Variants in GGTA1 observed in about 807,000 individuals in gnomAD.
The protein encoded by GGTA1 is glycoprotein alpha-galactosyltransferase 1 (inactive), also known as inactive N-acetyllactosaminide alpha-1,3-galactosyltransferase.
In GGTA1, 5 loss-of-function variants were observed where a neutral mutation model predicts 2.6. The observed-to-expected ratio is 1.92, with a 90% CI of 1.00 to 4.04. GGTA1 has a LOEUF of 4.04. GGTA1 is among the 30% of genes most tolerant of loss of function. The pLI is 0.00. For synonymous variants in GGTA1, 17 were observed against 5.0 expected, an observed-to-expected ratio of 3.38 and a Z score of -3.19; for missense variants, 50 against 16.7, an observed-to-expected ratio of 2.99 and a Z score of -3.47.
At chr9:121,480,679 G>A (rs1231629874) in intron 1 of GGTA1, among the ~76,000 whole-genome samples, 2 of 152,126 alleles carry the variant, frequency 1.3e-5, no homozygotes, top group Non-Finnish European at 2.9e-5. Flanking sequence ...GCCTCTTAAG[G>A]GGATGAGTTA....
chr9:121,486,396 C>G (rs1828754617), intron 1 of GGTA1, among the ~76,000 whole-genome samples: 1 of 152,170 alleles, frequency 6.6e-6, no homozygotes, highest in African/African-American at 2.4e-5. Context: ...CAGGAGGTCC[C>G]CTGGTGATTG....
rs1183814384 is a variant in GGTA1 at position 121,459,271 on chromosome 9, A to G, written c.298+833T>C. Among the ~76,000 whole-genome samples, 4 of 152,274 alleles carry G rather than the reference A, an allele frequency of 2.6e-5. No individual in the cohort carries two copies. The East Asian group carries it at 7.7e-4, about 29-fold the overall frequency. ...CAGGAGTTCAAGAGCAACCTGGACA[A>G]CATAGTAAGACCCTGTCTCTACAAA... is the stretch of plus-strand genomic sequence containing the variant. On this transcript the variant is annotated intron_variant, in intron 5 of 5. Transcript: ENST00000481799.
chr9:121,484,437 C>T (rs2118747185), intron 1 of GGTA1, among the ~76,000 whole-genome samples: 1 of 152,068 alleles, frequency 6.6e-6, no homozygotes, highest in Non-Finnish European at 1.5e-5. Context: ...GTGCCCACTA[C>T]CATGCCCAGC....
chr9:121,474,577 CACACAGAACA>C (rs1828464899), intron 1 of GGTA1, among the ~76,000 whole-genome samples: 1 of 152,152 alleles, frequency 6.6e-6, no homozygotes, highest in African/African-American at 2.4e-5. Flanking sequence ...CAATCCTTCT[CACACAGAACA>C]ACACACACAC....
chr9:121,472,153 G>T (rs1320439550), intron 1 of GGTA1, among the ~76,000 whole-genome samples: 1 of 152,210 alleles, frequency 6.6e-6, no homozygotes, highest in East Asian at 1.9e-4. Flanking sequence ...ATCCCACTGA[G>T]TGAGGCTGTT....
Position 121,460,178 on chromosome 9 carries a change from T to C in GGTA1, c.224A>G (p.Glu75Gly), listed in dbSNP as rs1032540233. 4 of 457,010 alleles carry C rather than the reference T, an allele frequency of 8.8e-6. 1 individual carries two copies. The highest frequency in any genetic ancestry group is 1.8e-5 in the Non-Finnish European group (4 of 227,090). 28.3% of individuals were successfully genotyped at this position (457,010 alleles called of 1,614,324 possible). A position where few individuals can be genotyped will look rare whatever the true frequency, so the allele number is the denominator to read the frequency against. ...YQQGEEDIDK[E>G]KGREETKGRK... ...TCCTTTGGTCTCCTCTCTTCCTTTT[T>C]CTTTGTCTATGTCTTCTTCCCCTTG... Residue 75 changes from glutamate (E) to glycine (G), a missense_variant, in exon 5 of 6, where the codon GAA (glutamate) becomes GGA (glycine). Glu to Gly is a moderately conservative substitution (Grantham distance 98, BLOSUM62 -2). Coordinates refer to ENST00000481799, the MANE Select transcript of GGTA1 (RefSeq NM_001382585.1).
chr9:121,463,482 C>T (rs2064977445), intron 2 of GGTA1, among the ~76,000 whole-genome samples, 154 bp from the exon 3 acceptor site: 1 of 152,148 alleles, frequency 6.6e-6, no homozygotes, highest in Admixed American at 6.5e-5. Context: ...TAACCAATGA[C>T]ATCAGGAGGA....
In GGTA1 at chr9:121,480,602, C is replaced by G. The variant is rs550344794; in HGVS notation, c.-9-12671G>C. On this transcript the variant is annotated intron_variant, in intron 1 of 5. Transcript: ENST00000481799. ...AGGAAGGAATCAAGGACTGGCCCCC[C>G]GGTCGCTCAGTAGTGCCTAATCCAG... 3.3e-5 allele frequency among the ~76,000 whole-genome samples: 5 copies of G among 152,220 alleles called. No individual in the cohort carries two copies. The East Asian group carries it at 7.7e-4, about 24-fold the overall frequency.
chr9:121,481,857 G>T (rs545555200), intron 1 of GGTA1, among the ~76,000 whole-genome samples: 1 of 151,574 alleles, frequency 6.6e-6, no homozygotes, highest in Non-Finnish European at 1.5e-5. Flanking sequence ...TTAGCTGGGC[G>T]TGGTGGTGCA....
intron 1 of GGTA1, among the ~76,000 whole-genome samples, chr9:121,495,676 C>CT (rs1209315033): frequency 3.9e-5 from 6 of 152,200 alleles, no homozygotes; most frequent in Non-Finnish European, 5.9e-5. Flanking sequence ...CTCCTAATTA[C>CT]CCAATGCAAC....
At chr9:121,471,411 A>ATGT (rs1201224954) in intron 1 of GGTA1, among the ~76,000 whole-genome samples, 2 of 152,188 alleles carry the variant, frequency 1.3e-5, no homozygotes, top group African/African-American at 4.8e-5. Context: ...CACTCCATTA[A>ATGT]TGTTTGCTGA....
downstream of GGTA1, among the ~76,000 whole-genome samples, chr9:121,452,596 G>A (rs1028416849): frequency 6.6e-6 from 1 of 151,810 alleles, no homozygotes; most frequent in African/African-American, 2.4e-5. Context: ...TTGGCTCACT[G>A]TAGTCTCTGC....
chr9:121,457,511 T>C (rs1307487319), intron 5 of GGTA1, among the ~76,000 whole-genome samples: 2 of 151,866 alleles, frequency 1.3e-5, no homozygotes, highest in African/African-American at 4.8e-5. Context: ...CCACCCTGGC[T>C]AACACGATGA....
intron 1 of GGTA1, among the ~76,000 whole-genome samples, chr9:121,489,847 G>A (rs991669700): frequency 1.3e-5 from 2 of 152,188 alleles, no homozygotes; most frequent in African/African-American, 4.8e-5. Context: ...TCACAGGAGT[G>A]TGAACTTTCT....
At chr9:121,463,193 C>G in intron 3 of GGTA1, 100 bp downstream of exon 3, 1 of 431,394 alleles carries the variant, frequency 2.3e-6, no homozygotes, top group Non-Finnish European at 4.5e-6. Context: ...CGACTTTGGC[C>G]GAACACCATG....
chr9:121,483,247 C>G (rs986974914), intron 1 of GGTA1, among the ~76,000 whole-genome samples: 1 of 152,104 alleles, frequency 6.6e-6, no homozygotes, highest in African/African-American at 2.4e-5. Context: ...GTGACTCATT[C>G]GAGGTCACCA....
chr9:121,498,789 C>T (rs1829043451), intron 1 of GGTA1, among the ~76,000 whole-genome samples: 1 of 152,212 alleles, frequency 6.6e-6, no homozygotes, highest in African/African-American at 2.4e-5. Flanking sequence ...CCCTCCGCGC[C>T]TCCCAGTCCC....
At chr9:121,469,106 G>A (rs544160234) in intron 1 of GGTA1, among the ~76,000 whole-genome samples, 9 of 152,230 alleles carry the variant, frequency 5.9e-5, no homozygotes, top group East Asian at 3.9e-4. Context: ...TTCCCTGATC[G>A]CTGCGTGAAA....
At chr9:121,475,168 G>A (rs184265424) in intron 1 of GGTA1, among the ~76,000 whole-genome samples, 40 of 152,226 alleles carry the variant, frequency 2.6e-4, no homozygotes, top group Non-Finnish European at 4.7e-4. Context: ...TAAAGAAGCC[G>A]GCTGAAACCC....
Sources: allele counts gnomAD v4.1 joint callset (sites outside exome capture counted in the v4.1 genomes callset), GRCh38; gene constraint gnomAD v4.1.1; transcripts MANE v1.5; gene names NCBI Gene and HGNC (gene_info 2026-07-23, HGNC 2026-07-21).